DCDC1: variants seen among roughly 807,000 people sequenced by gnomAD.
DCDC1 encodes doublecortin domain containing 1.
Under a neutral mutation model 178.3 loss-of-function variants are expected in DCDC1, and 200 were observed. The ratio of observed to expected loss-of-function variants is 1.12; its 90% CI spans 1.00 to 1.26. The LOEUF (loss-of-function observed/expected upper bound fraction) is 1.26, where lower values mean the gene tolerates loss of function less well. Among genes scored for constraint, DCDC1 ranks in the 50% most tolerant of loss-of-function variants. The probability of loss-of-function intolerance (pLI) is 0.00; values close to 1 mark genes in which losing one functional copy is unlikely to be tolerated. For synonymous variants in DCDC1, 690 were observed against 604.8 expected (o/e 1.14, Z -2.07); for missense variants, 1,983 against 1,749.2 (o/e 1.13, Z -2.38).
At chr11:31,067,526 A>T (rs191801724) in intron 18 of DCDC1, among the ~76,000 whole-genome samples, 27 of 152,292 alleles carry the variant, frequency 1.8e-4, no homozygotes, top group Non-Finnish European at 2.9e-4. Context: ...CGGCCCAGCA[A>T]TTCCACTCCT....
At chr11:30,957,167 T>C (rs1948817351) in intron 20 of DCDC1, among the ~76,000 whole-genome samples, 1 of 152,188 alleles carries the variant, frequency 6.6e-6, no homozygotes, top group African/African-American at 2.4e-5. Flanking sequence ...TCTAGGACTT[T>C]GCTCCTGCTT....
At chr11:31,304,919 T>C (rs1948354770) in intron 6 of DCDC1, among the ~76,000 whole-genome samples, 2 of 152,134 alleles carry the variant, frequency 1.3e-5, no homozygotes, top group South Asian at 2.1e-4. Flanking sequence ...TCTTAGATAG[T>C]AGTGCTTTTA....
At chr11:30,920,967 A>T (rs1439914678) in intron 24 of DCDC1, 32 bp from the exon 25 acceptor site, 1 of 1,578,284 alleles carries the variant, frequency 6.3e-7, no homozygotes, top group Admixed American at 1.8e-5. Context: ...GCAAAGACAT[A>T]TTACTTACAA....
intron 20 of DCDC1, among the ~76,000 whole-genome samples, chr11:30,985,213 C>T (rs2134848562): frequency 6.6e-6 from 1 of 152,188 alleles, no homozygotes; most frequent in East Asian, 1.9e-4. Flanking sequence ...AGGTAAGGAG[C>T]TTTAGAAGGG....
chr11:30,941,922 C>T (rs565167794), intron 21 of DCDC1, among the ~76,000 whole-genome samples: 1 of 151,866 alleles, frequency 6.6e-6, no homozygotes, highest in Non-Finnish European at 1.5e-5. Context: ...ATGTTTTTTC[C>T]TTTATATTTT....
At chr11:31,267,285 G>A (rs1017251038) in intron 7 of DCDC1, among the ~76,000 whole-genome samples, 2 of 152,072 alleles carry the variant, frequency 1.3e-5, no homozygotes, top group African/African-American at 4.8e-5. Flanking sequence ...CCGTCTCCCG[G>A]GTTCAAGTGA....
intron 20 of DCDC1, among the ~76,000 whole-genome samples, chr11:31,046,972 C>T (rs1016075336): frequency 1.3e-5 from 2 of 152,058 alleles, no homozygotes; most frequent in Non-Finnish European, 2.9e-5. Flanking sequence ...AAACAAATCC[C>T]AACTATCCTT....
At chr11:30,941,962 T>C (rs998776320) in intron 21 of DCDC1, among the ~76,000 whole-genome samples, 1 of 152,166 alleles carries the variant, frequency 6.6e-6, no homozygotes, top group Admixed American at 6.5e-5. Flanking sequence ...GTAAACATGT[T>C]AACAACAGCG....
At chr11:31,180,465 A>T (rs1565394151) in intron 9 of DCDC1, among the ~76,000 whole-genome samples, 1 of 152,192 alleles carries the variant, frequency 6.6e-6, no homozygotes, top group Non-Finnish European at 1.5e-5. Context: ...ATCAATGCAG[A>T]AAGCGGGTGA....
chr11:31,167,793 A>G (rs1207301797), intron 9 of DCDC1, among the ~76,000 whole-genome samples: 1 of 152,100 alleles, frequency 6.6e-6, no homozygotes, highest in Non-Finnish European at 1.5e-5. Flanking sequence ...ACATCTGGAG[A>G]GCTTTTTTAA....
chr11:31,329,199 C>T (rs1220547479), intron 2 of DCDC1, among the ~76,000 whole-genome samples: 1 of 151,932 alleles, frequency 6.6e-6, no homozygotes, highest in East Asian at 1.9e-4. Flanking sequence ...AAAATGCAAA[C>T]CTTCCCCATT....
At chr11:30,915,445 C>T (rs891795381) in intron 27 of DCDC1, 66 bp downstream of exon 27, 5 of 1,550,000 alleles carry the variant, frequency 3.2e-6, no homozygotes, top group Non-Finnish European at 4.4e-6. Context: ...TCTGTGGGGA[C>T]CATGCTAGAC....
intron 20 of DCDC1, among the ~76,000 whole-genome samples, chr11:31,062,381 A>G (rs905601163): frequency 1.3e-5 from 2 of 152,162 alleles, no homozygotes; most frequent in African/African-American, 4.8e-5. Context: ...ACATCAGACA[A>G]GGACTTTCCC....
At chr11:30,895,052 G>A (rs1590260352) in intron 34 of DCDC1, among the ~76,000 whole-genome samples, 2 of 152,070 alleles carry the variant, frequency 1.3e-5, no homozygotes, top group African/African-American at 2.4e-5. Flanking sequence ...TTATAAAAGA[G>A]GTTTAAAAAG....
intron 18 of DCDC1, among the ~76,000 whole-genome samples, chr11:31,071,771 T>C (rs1180524675): frequency 6.6e-6 from 1 of 152,170 alleles, no homozygotes; most frequent in Non-Finnish European, 1.5e-5. Flanking sequence ...TTTTGCTCTT[T>C]TGTTCTCTCT....
At chr11:31,312,280 C>T (rs1338369581) in intron 3 of DCDC1, among the ~76,000 whole-genome samples, 5 of 152,250 alleles carry the variant, frequency 3.3e-5, no homozygotes, top group South Asian at 4.1e-4. Context: ...CTGTTCTAAG[C>T]ATTTTATATA....
intron 1 of DCDC1, among the ~76,000 whole-genome samples, chr11:31,344,524 T>C (rs1950719481): frequency 6.6e-6 from 1 of 152,216 alleles, no homozygotes; most frequent in South Asian, 2.1e-4. Context: ...ACAAGTTACG[T>C]AACATCTTTG....
chr11:31,150,572 A>ATATC (rs558577113), intron 9 of DCDC1, among the ~76,000 whole-genome samples: 17 of 152,124 alleles, frequency 1.1e-4, no homozygotes, highest in East Asian at 1.9e-4. Flanking sequence ...ATTTTCTACA[A>ATATC]TATCTATCTA....
chr11:31,127,290 G>A (rs867820447), intron 11 of DCDC1, among the ~76,000 whole-genome samples, 179 bp downstream of exon 11: 1 of 152,100 alleles, frequency 6.6e-6, no homozygotes, highest in African/African-American at 2.4e-5. Context: ...AGATCTCTAG[G>A]TATTTTCTTT....
Sources: allele counts gnomAD v4.1 joint callset (sites outside exome capture counted in the v4.1 genomes callset), GRCh38; gene constraint gnomAD v4.1.1; transcripts MANE v1.5; gene names NCBI Gene and HGNC (gene_info 2026-07-23, HGNC 2026-07-21).